The following AGO1 variants were observed in gnomAD, a reference collection of about 807,000 sequenced individuals.
The protein encoded by AGO1 is protein argonaute-1.
In AGO1, 11 loss-of-function variants were observed where a neutral mutation model predicts 109.2. The observed-to-expected ratio is 0.10, with a 90% CI of 0.06 to 0.17. The LOEUF (loss-of-function observed/expected upper bound fraction) is 0.17. Ranked by LOEUF, AGO1 falls within the 10% of genes least tolerant of loss-of-function variation. The probability of loss-of-function intolerance (pLI) is 1.00; values close to 1 mark genes in which losing one functional copy is unlikely to be tolerated. For missense variants in AGO1, 574 were observed against 1,140.3 expected (o/e 0.50, Z 7.15); for synonymous variants, 422 against 418.6 (o/e 1.01, Z -0.10).
rs1645844480 is a variant in AGO1, at chr1:35,922,135, G to GTTCTCTCC, written c.*2531_*2538dup. ...CCTCTACTCCCAGCAACAAGTTTGT[G>GTTCTCTCC]TTCTCTCCTTTTCTCTCTTTGCCTC... is the stretch of plus-strand genomic sequence containing the variant. On this transcript the variant is annotated 3_prime_UTR_variant, in exon 19 of 19. Transcript: ENST00000373204. The GTTCTCTCC allele has an allele frequency of 1.3e-5, 2 of 152,654 alleles. No homozygotes were observed. The highest frequency in any genetic ancestry group is 4.8e-5 in the African/African-American group (2 of 41,454). The allele number at this position is 152,654 out of a possible 1,614,324, so 9.5% of individuals were successfully genotyped here.
Position 35,913,858 on chromosome 1 carries a change from C to G in AGO1, c.1599C>G (p.Val533=), listed in dbSNP as rs780324190. 1 of 1,613,680 alleles carries G rather than the reference C, an allele frequency of 6.2e-7. No homozygotes were observed. The highest frequency in any genetic ancestry group is 1.1e-5 in the South Asian group (1 of 91,046). Residue 533 remains valine, a synonymous_variant, in exon 13 of 19, where the codon GTC becomes GTG. Transcript: ENST00000373204. ...TGCCCTTAGCTGAGGTGAAACGTGT[C>G]GGAGATACACTCTTGGGAATGGCTA... ...KTPVYAEVKR[V]GDTLLGMATQ...
At position 35,893,207 on chromosome 1, in the gene AGO1, C is replaced by T. The variant is rs551846586; in HGVS notation, c.441C>T (p.Ser147=). The change falls in exon 4 of 19, where the codon AGC becomes AGT. Residue 147 remains serine, a synonymous_variant. Coordinates refer to ENST00000373204, the MANE Select transcript of AGO1 (RefSeq NM_012199.5). This position sits in a 1 kb window ranked among gnomAD's most constrained non-coding sequence, Gnocchi z 5.6. The stretch of plus-strand genomic sequence containing the variant: ...GAATGCTGCATGAGGCCCTGGTCAG[C>T]GGCCAGATCCCTGTTCCCTTGGAGT... ...SWRMLHEALV[S]GQIPVPLESV... 2.1e-5 allele frequency: 34 copies of T among 1,614,078 alleles called. No homozygotes were observed. In the South Asian group the frequency reaches 2.5e-4, roughly 12 times the overall value.
intron 3 of AGO1, among the ~76,000 whole-genome samples, 169 bp from the exon 4 acceptor site, chr1:35,892,928 A>C (rs974376715): frequency 6.6e-6 from 1 of 152,224 alleles, no homozygotes; most frequent in Non-Finnish European, 1.5e-5. Flanking sequence ...TGAGAGGAAC[A>C]GAAGCACTGA....
chr1:35,894,500 A>G (rs971664417), intron 7 of AGO1, 98 bp downstream of exon 7: 12 of 1,252,340 alleles, frequency 9.6e-6, no homozygotes, highest in South Asian at 6.8e-5. Flanking sequence ...GGCCTTGAGA[A>G]TGAGCCTTGG....
In AGO1 at chr1:35,928,671, A is replaced by G. The variant is rs1645977573; in HGVS notation, c.*9064A>G. 6.6e-6 allele frequency: 1 copy of G among 152,208 alleles called. No individual in the cohort carries two copies. Among genetic ancestry groups the G allele is most frequent in the South Asian group, 2.1e-4 (1 of 4,838 alleles). The allele number at this position is 152,208 out of a possible 1,614,324, so 9.4% of individuals were successfully genotyped here. On this transcript the variant is annotated 3_prime_UTR_variant, in exon 19 of 19. Transcript: ENST00000373204. ...TTTAAACACAAGTCCTTTGTTGGAT[A>G]TATCTTTTACATCTATTTTTCCCAG...
At chr1:35,870,280 G>GCAA (rs1644937145) in intron 1 of AGO1, among the ~76,000 whole-genome samples, 1 of 151,262 alleles carries the variant, frequency 6.6e-6, no homozygotes, top group African/African-American at 2.4e-5. Flanking sequence ...ATTTTTTGTT[G>GCAA]TTGTTTTTTG....
rs1645274555 is a variant in AGO1, at chr1:35,894,177, G to A, written c.784+6G>A. The A allele has an allele frequency of 4.5e-6, 7 of 1,570,786 alleles. No homozygotes were observed. Among genetic ancestry groups the A allele is most frequent in the Non-Finnish European group, 6.0e-6 (7 of 1,157,440 alleles). On this transcript the variant is annotated splice_donor_region_variant and intron_variant, in intron 6 of 18. Coordinates refer to ENST00000373204, the MANE Select transcript of AGO1 (RefSeq NM_012199.5). ...CTTCACCAAGGAGATCAAGGGTGAG[G>A]ACCCAACAGGAGGGGAAGGGAAACA...
chr1:35,905,622 A>G (rs996740085), intron 11 of AGO1, among the ~76,000 whole-genome samples: 42 of 151,840 alleles, frequency 2.8e-4, no homozygotes, highest in Admixed American at 6.6e-5. Context: ...ACTCACCACC[A>G]TGCCCGGCTA....
intron 7 of AGO1, among the ~76,000 whole-genome samples, chr1:35,894,782 T>C (rs1463445385): frequency 1.3e-5 from 2 of 152,226 alleles, no homozygotes; most frequent in Non-Finnish European, 2.9e-5. Context: ...TTCTTGACCT[T>C]AGGCTATACT....
chr1:35,878,259 G>C (rs1032705259), upstream of AGO1, among the ~76,000 whole-genome samples: 1 of 151,284 alleles, frequency 6.6e-6, no homozygotes, highest in Non-Finnish European at 1.5e-5. Flanking sequence ...AATTTTTTTT[G>C]TATTTTTAGT....
chr1:35,903,820 G>A (rs1431196740), intron 11 of AGO1, among the ~76,000 whole-genome samples: 8 of 151,766 alleles, frequency 5.3e-5, no homozygotes, highest in South Asian at 2.1e-4. Flanking sequence ...AAAATTAGCC[G>A]GGCGTGGTGG....
intron 12 of AGO1, among the ~76,000 whole-genome samples, chr1:35,913,119 A>T (rs1645669178): frequency 6.7e-6 from 1 of 150,314 alleles, no homozygotes; most frequent in South Asian, 2.1e-4. Flanking sequence ...TCCCGGGTTC[A>T]CGCCATTCTC....
chr1:35,893,532 A>G lies in AGO1; in HGVS notation c.513-142A>G. ...AGAAGGTAGAAACTTGTACAAGGTC[A>G]GTCATACAACTAGTAAAGCATCAGA... On this transcript the variant is annotated intron_variant, in intron 4 of 18. Coordinates refer to ENST00000373204, the MANE Select transcript of AGO1 (RefSeq NM_012199.5). The surrounding 1 kb of genome is among the most constrained non-coding windows in gnomAD (Gnocchi z 5.6). 1 of 933,382 alleles carries G rather than the reference A, an allele frequency of 1.1e-6. No individual in the cohort carries two copies. The allele number at this position is 933,382 out of a possible 1,614,324, so 57.8% of individuals were successfully genotyped here.
rs1010805766 is a variant in AGO1 at position 35,901,795 on chromosome 1, C to T, written c.1141-153C>T. On this transcript the variant is annotated intron_variant, in intron 9 of 18. Transcript: ENST00000373204. The surrounding 1 kb of genome is among the most constrained non-coding windows in gnomAD (Gnocchi z 4.8). Reference sequence around the variant, plus strand: ...TCCTGTATTACTTTGCTGTGTTATTCCCTCACTTCCCTCATCTTCCACTTT... The same window carrying T: ...TCCTGTATTACTTTGCTGTGTTATTTCCTCACTTCCCTCATCTTCCACTTT... Among the ~76,000 whole-genome samples, 4 of 152,136 alleles carry T rather than the reference C, an allele frequency of 2.6e-5. No homozygotes were observed. The highest frequency in any genetic ancestry group is 9.7e-5 in the African/African-American group (4 of 41,392).
chr1:35,893,857 C>T lies in AGO1; in HGVS notation c.649+47C>T, dbSNP rs1187894712. Reference sequence around the variant, plus strand: ...GCCAGGGGCACCCCAAGTCCAGTGACCACACTCCCAGCCTCATCCCTCCCA... The same window carrying T: ...GCCAGGGGCACCCCAAGTCCAGTGATCACACTCCCAGCCTCATCCCTCCCA... On this transcript the variant is annotated intron_variant, in intron 5 of 18. Coordinates refer to ENST00000373204, the MANE Select transcript of AGO1 (RefSeq NM_012199.5). The surrounding 1 kb of genome is among the most constrained non-coding windows in gnomAD (Gnocchi z 5.6). 2 of 1,586,718 alleles carry T rather than the reference C, an allele frequency of 1.3e-6. No homozygotes were observed. Among genetic ancestry groups the T allele is most frequent in the Non-Finnish European group, 8.6e-7 (1 of 1,163,516 alleles).
In AGO1 at chr1:35,901,815, C is replaced by T. The variant is rs1645421409; in HGVS notation, c.1141-133C>T. ...TTATTCCCTCACTTCCCTCATCTTCCACTTTCTCTCTCTTTTTAGGACTAT... is the reference window on the plus strand; with the variant it reads ...TTATTCCCTCACTTCCCTCATCTTCTACTTTCTCTCTCTTTTTAGGACTAT... On this transcript the variant is annotated intron_variant, in intron 9 of 18. Transcript: ENST00000373204. This position sits in a 1 kb window ranked among gnomAD's most constrained non-coding sequence, Gnocchi z 4.8. 10 of 1,376,968 alleles carry T rather than the reference C, an allele frequency of 7.3e-6. No homozygotes were observed. The highest frequency in any genetic ancestry group is 9.9e-6 in the Non-Finnish European group (10 of 1,009,986). The allele number at this position is 1,376,968 out of a possible 1,614,324, so 85.3% of individuals were successfully genotyped here.
Position 35,919,556 on chromosome 1 carries a change from C to G in AGO1, c.2523C>G (p.Ala841=), listed in dbSNP as rs748808273. ...QSNGRDPQAL[A]KAVQVHQDTL... ...ATGGGCGGGACCCCCAGGCCCTGGC[C>G]AAAGCCGTGCAGGTTCACCAGGATA... is the stretch of plus-strand genomic sequence containing the variant. Residue 841 remains alanine (A), a synonymous_variant, in exon 19 of 19, where the codon GCC becomes GCG. Coordinates refer to ENST00000373204, the MANE Select transcript of AGO1 (RefSeq NM_012199.5). This position sits in a 1 kb window ranked among gnomAD's most constrained non-coding sequence, Gnocchi z 6.6. 1 of 1,614,164 alleles carries G rather than the reference C, an allele frequency of 6.2e-7. No homozygotes were observed. The highest frequency in any genetic ancestry group is 1.7e-5 in the Admixed American group (1 of 60,026).
At chr1:35,871,784 T>C (rs1315842301) in intron 1 of AGO1, among the ~76,000 whole-genome samples, 2 of 151,418 alleles carry the variant, frequency 1.3e-5, no homozygotes, top group African/African-American at 4.8e-5. Flanking sequence ...AAAAAATAAT[T>C]GTTGCCTGGG....
intron 11 of AGO1, among the ~76,000 whole-genome samples, chr1:35,902,704 T>C: frequency 6.6e-6 from 1 of 152,152 alleles, no homozygotes; most frequent in East Asian, 1.9e-4. Flanking sequence ...TTACAGTGAG[T>C]AGGTGGTGAT....
Sources: gnomAD v4.1 joint callset for allele counts (sites outside exome capture counted in the v4.1 genomes callset) on GRCh38, gnomAD v4.1.1 for gene constraint, Gnocchi (gnomAD v3.1) non-coding constraint, MANE v1.5 for transcripts, NCBI Gene and HGNC (gene_info 2026-07-23, HGNC 2026-07-21) for gene names.